PDZRN4: variants seen among roughly 807,000 people sequenced by gnomAD.
PDZRN4 encodes the protein PDZ domain containing ring finger 4.
In PDZRN4, 70 loss-of-function variants were observed where a neutral mutation model predicts 99.0. That is an observed-to-expected ratio of 0.71 (90% CI 0.58 to 0.86). PDZRN4 has a LOEUF of 0.86. PDZRN4 is among the 40% of genes least tolerant of loss of function. PDZRN4 has a pLI of 0.00. For synonymous variants in PDZRN4, 551 were observed against 501.6 expected (o/e 1.10, Z -1.32); for missense variants, 1,474 against 1,331.2 (o/e 1.11, Z -1.67).
chr12:41,406,576 T>C (rs1952351747), intron 3 of PDZRN4, among the ~76,000 whole-genome samples: 1 of 152,046 alleles, frequency 6.6e-6, no homozygotes, highest in African/African-American at 2.4e-5. Flanking sequence ...CTAGAGAAAT[T>C]ACCCTTAAAA....
At chr12:41,362,676 G>A (rs1266115873) in intron 3 of PDZRN4, among the ~76,000 whole-genome samples, 5 of 152,046 alleles carry the variant, frequency 3.3e-5, no homozygotes, top group African/African-American at 7.2e-5. Context: ...ATAGGTCTCC[G>A]TAGCAAAGGC....
At chr12:41,201,114 T>G (rs1950813313) in intron 3 of PDZRN4, among the ~76,000 whole-genome samples, 1 of 151,988 alleles carries the variant, frequency 6.6e-6, no homozygotes, top group Admixed American at 6.6e-5. Context: ...AACCCAGGTT[T>G]TTTTTCATGA....
intron 3 of PDZRN4, among the ~76,000 whole-genome samples, chr12:41,296,168 C>T (rs1459832747): frequency 6.6e-6 from 1 of 152,116 alleles, no homozygotes; most frequent in African/African-American, 2.4e-5. Context: ...CAGCTGCAGA[C>T]AAGAGCAGAG....
At chr12:41,567,077 A>G (rs1186929036) in intron 8 of PDZRN4, among the ~76,000 whole-genome samples, 5 of 152,196 alleles carry the variant, frequency 3.3e-5, no homozygotes, top group African/African-American at 9.6e-5. Context: ...CCCATAAACA[A>G]AACCCTGCAT....
chr12:41,545,475 T>C (rs1938929519), intron 5 of PDZRN4, among the ~76,000 whole-genome samples: 1 of 151,458 alleles, frequency 6.6e-6, no homozygotes, highest in Non-Finnish European at 1.5e-5. Flanking sequence ...GTCCACAAGA[T>C]TTCCCTCTGC....
intron 3 of PDZRN4, among the ~76,000 whole-genome samples, chr12:41,357,323 A>G (rs1592026229): frequency 6.6e-6 from 1 of 151,904 alleles, no homozygotes; most frequent in Non-Finnish European, 1.5e-5. Flanking sequence ...CATCCCAACA[A>G]CCCAACAAGC....
At position 41,188,878 on chromosome 12, in the gene PDZRN4, G is replaced by A; in HGVS notation, c.423G>A (p.Arg141=). 1 of 1,120,714 alleles carries A rather than the reference G, an allele frequency of 8.9e-7. No homozygotes were observed. Among genetic ancestry groups the A allele is most frequent in the Non-Finnish European group, 1.1e-6 (1 of 917,960 alleles). 69.4% of individuals were successfully genotyped at this position (1,120,714 alleles called of 1,614,324 possible). ...GGCGPTPRAG[R]GGGARGGPPG... is the part of the protein sequence containing the mutation. Reference sequence around the variant, plus strand: ...GCGGTCCGACACCCAGGGCTGGCCGGGGCGGGGGCGCGCGCGGGGGGCCGC... The same window carrying A: ...GCGGTCCGACACCCAGGGCTGGCCGAGGCGGGGGCGCGCGCGGGGGGCCGC... The change falls in exon 1 of 10, where the codon CGG becomes CGA. Residue 141 remains arginine (R), a synonymous_variant. Transcript: ENST00000402685.
chr12:41,334,876 A>G lies in PDZRN4; in HGVS notation c.843+140688A>G, dbSNP rs558537658. ...CATTGTAATAAGATTTTTTTTTCAA[A>G]CCGCTATATATTTAAAAGTCAGACT... On this transcript the variant is annotated intron_variant, in intron 3 of 9. Transcript: ENST00000402685. Among the ~76,000 whole-genome samples, 7 of 152,106 alleles carry G rather than the reference A, an allele frequency of 4.6e-5. No homozygotes were observed. The South Asian group carries it at 1.5e-3, about 32-fold the overall frequency.
chr12:41,306,955 T>G (rs1011840675), intron 3 of PDZRN4, among the ~76,000 whole-genome samples: 1 of 152,198 alleles, frequency 6.6e-6, no homozygotes, highest in African/African-American at 2.4e-5. Flanking sequence ...ATTTTCATAT[T>G]CTCTAACAGA....
chr12:41,204,573 C>T (rs1438424714), intron 3 of PDZRN4, among the ~76,000 whole-genome samples: 3 of 151,914 alleles, frequency 2.0e-5, no homozygotes, highest in Non-Finnish European at 4.4e-5. Context: ...AGGAAGGTAC[C>T]TTCTTCACAA....
intron 3 of PDZRN4, among the ~76,000 whole-genome samples, chr12:41,389,499 G>A (rs1054761653): frequency 1.3e-5 from 2 of 152,112 alleles, no homozygotes; most frequent in African/African-American, 4.8e-5. Context: ...ATATTTACTT[G>A]TTCCTGGACC....
At chr12:41,431,702 A>T (rs1435886271) in intron 3 of PDZRN4, among the ~76,000 whole-genome samples, 1 of 152,222 alleles carries the variant, frequency 6.6e-6, no homozygotes, top group Non-Finnish European at 1.5e-5. Flanking sequence ...GACAACTCTT[A>T]GGAGTTCATA....
chr12:41,266,653 G>C (rs1951279181), intron 3 of PDZRN4, among the ~76,000 whole-genome samples: 1 of 152,182 alleles, frequency 6.6e-6, no homozygotes, highest in South Asian at 2.1e-4. Context: ...GTAGTAGTTG[G>C]TTGTTCTAAC....
At chr12:41,340,583 T>C (rs1163305802) in intron 3 of PDZRN4, among the ~76,000 whole-genome samples, 1 of 151,864 alleles carries the variant, frequency 6.6e-6, no homozygotes, top group East Asian at 1.9e-4. Context: ...AACTAGAGTA[T>C]AATCAGAATG....
At position 41,347,408 on chromosome 12, in the gene PDZRN4, T is replaced by C. The variant is rs551979546; in HGVS notation, c.843+153220T>C. ...TGCTAATGACTAATGACACTAATCA[T>C]CTTTTTCTGTGCTTATTTGCTATTT... On this transcript the variant is annotated intron_variant, in intron 3 of 9. Transcript: ENST00000402685. 4.6e-5 allele frequency among the ~76,000 whole-genome samples: 7 copies of C among 152,284 alleles called. 2 individuals carry two copies. Among genetic ancestry groups the C allele is most frequent in the South Asian group, 2.1e-4 (1 of 4,830 alleles).
At chr12:41,247,174 T>G (rs1307593292) in intron 3 of PDZRN4, among the ~76,000 whole-genome samples, 1 of 152,176 alleles carries the variant, frequency 6.6e-6, no homozygotes, top group Non-Finnish European at 1.5e-5. Context: ...AGGTACAACA[T>G]AAGTAAAAAT....
At chr12:41,411,046 AAAATAT>A (rs1237604394) in intron 3 of PDZRN4, among the ~76,000 whole-genome samples, 20 of 121,680 alleles carry the variant, frequency 1.6e-4, no homozygotes, top group South Asian at 5.4e-4. Context: ...ACTGAGCTTT[AAAATAT>A]ATATATATAT....
At position 41,527,094 on chromosome 12, in the gene PDZRN4, G is replaced by T. The variant is rs542887058; in HGVS notation, c.1203+17181G>T. 6.6e-5 allele frequency among the ~76,000 whole-genome samples: 10 copies of T among 152,334 alleles called. No individual in the cohort carries two copies. The South Asian group carries it at 2.1e-3, about 32-fold the overall frequency. On this transcript the variant is annotated intron_variant, in intron 5 of 9. Transcript: ENST00000402685. ...GAGACATTCACAATAATAAAATACA[G>T]ATGTGGTACAGAGAAGTCAGTGGCT...
chr12:41,496,196 G>C (rs1187578339), intron 3 of PDZRN4, among the ~76,000 whole-genome samples: 2 of 152,068 alleles, frequency 1.3e-5, no homozygotes, highest in South Asian at 2.1e-4. Context: ...CTGGCACTCT[G>C]TGAGTGCTCA....
Sources: allele counts gnomAD v4.1 joint callset (sites outside exome capture counted in the v4.1 genomes callset), GRCh38; gene constraint gnomAD v4.1.1; transcripts MANE v1.5; gene names NCBI Gene and HGNC (gene_info 2026-07-23, HGNC 2026-07-21).